SV2C: variants seen among roughly 807,000 people sequenced by gnomAD.
The protein encoded by SV2C is synaptic vesicle glycoprotein 2C, also known as solute carrier family 22 member B3.
A neutral mutation model predicts 79.7 loss-of-function variants in SV2C; 49 were observed. The ratio of observed to expected loss-of-function variants is 0.61; its 90% CI spans 0.49 to 0.78. The LOEUF is 0.78. SV2C is among the 30% of genes least tolerant of loss of function. The probability of loss-of-function intolerance (pLI) is 0.00; values close to 1 mark genes in which losing one functional copy is unlikely to be tolerated. For missense variants in SV2C, 833 were observed against 912.9 expected (o/e 0.91, Z 1.13); for synonymous variants, 334 against 333.2 (o/e 1.00, Z -0.03).
intron 1 of SV2C, among the ~76,000 whole-genome samples, chr5:76,113,449 T>C (rs936089528): frequency 5.9e-5 from 9 of 152,224 alleles, no homozygotes; most frequent in Non-Finnish European, 1.2e-4. Context: ...TCCAGGATTG[T>C]CTTGGCTATG....
At chr5:76,246,781 C>A (rs1430943838) in intron 4 of SV2C, among the ~76,000 whole-genome samples, 2 of 152,188 alleles carry the variant, frequency 1.3e-5, no homozygotes, top group Non-Finnish European at 2.9e-5. Flanking sequence ...AGTGTCCCCA[C>A]CTCTGTCACC....
At chr5:76,221,443 C>T (rs927921798) in intron 4 of SV2C, among the ~76,000 whole-genome samples, 24 of 152,272 alleles carry the variant, frequency 1.6e-4, no homozygotes, top group African/African-American at 5.1e-4. Context: ...CATGGGGAGT[C>T]GCTGTCTTTG....
intron 3 of SV2C, among the ~76,000 whole-genome samples, chr5:76,205,559 A>T (rs1450673160): frequency 1.3e-5 from 2 of 152,162 alleles, no homozygotes; most frequent in African/African-American, 4.8e-5. Context: ...CATTTATGTA[A>T]ATGTTCCATT....
rs1749120837 is a variant in SV2C, at chr5:76,329,824, T to TC, written c.*4278dup. 1 of 152,226 alleles carries TC rather than the reference T, an allele frequency of 6.6e-6. No individual in the cohort carries two copies. The highest frequency in any genetic ancestry group is 2.4e-5 in the African/African-American group (1 of 41,456). The allele number at this position is 152,226 out of a possible 1,614,324, so 9.4% of individuals were successfully genotyped here. A position where few individuals can be genotyped will look rare whatever the true frequency, so the allele number is the denominator to read the frequency against. ...AGCCAGGAATGTCTGAATTTGGCCTTCACCTGGTATCACAGAAAGACAACT... is the reference window on the plus strand; with the variant it reads ...AGCCAGGAATGTCTGAATTTGGCCTTCCACCTGGTATCACAGAAAGACAACT... On this transcript the variant is annotated 3_prime_UTR_variant, in exon 13 of 13. Transcript: ENST00000502798.
chr5:76,010,407 G>A, the SV2C span, among the ~76,000 whole-genome samples: 3 of 152,106 alleles, frequency 2.0e-5, no homozygotes, highest in Admixed American at 1.3e-4. Context: ...TGGTTAATGT[G>A]CGTGTTCAAG....
At chr5:75,853,472 T>C in the SV2C span, among the ~76,000 whole-genome samples, 24 of 145,284 alleles carry the variant, frequency 1.7e-4, 1 homozygote, top group South Asian at 4.8e-3. Context: ...AGGAGAATGG[T>C]GTGAACCTGG....
the SV2C span, among the ~76,000 whole-genome samples, chr5:75,941,128 C>A: frequency 6.6e-6 from 1 of 152,118 alleles, no homozygotes; most frequent in South Asian, 2.1e-4. Context: ...TGCTTTGAAC[C>A]CAGAGAACCT....
chr5:76,124,248 A>G (rs1326481561), intron 1 of SV2C, among the ~76,000 whole-genome samples: 3 of 152,174 alleles, frequency 2.0e-5, no homozygotes, highest in Non-Finnish European at 4.4e-5. Flanking sequence ...CTCCGTATCC[A>G]TCAGATGAAA....
the SV2C span, among the ~76,000 whole-genome samples, chr5:75,908,098 G>A: frequency 6.6e-5 from 10 of 152,258 alleles, no homozygotes; most frequent in Non-Finnish European, 1.2e-4. Context: ...CAATTCAATC[G>A]TTTTTAGTAT....
the SV2C span, among the ~76,000 whole-genome samples, chr5:75,885,638 C>G: frequency 1.3e-5 from 2 of 152,114 alleles, no homozygotes; most frequent in Non-Finnish European, 2.9e-5. Flanking sequence ...CAGCCTGGAA[C>G]TCCTAGGCTC....
chr5:75,885,953 C>T, the SV2C span, among the ~76,000 whole-genome samples: 1 of 152,152 alleles, frequency 6.6e-6, no homozygotes, highest in Non-Finnish European at 1.5e-5. Flanking sequence ...TCAGTACAGT[C>T]AAACAAAAGC....
the SV2C span, among the ~76,000 whole-genome samples, chr5:76,069,073 A>G: frequency 1.3e-5 from 2 of 152,200 alleles, no homozygotes; most frequent in Admixed American, 1.3e-4. Context: ...CAAAGTATCA[A>G]ATGGATGCAT....
At chr5:76,057,710 T>C in the SV2C span, among the ~76,000 whole-genome samples, 1 of 152,086 alleles carries the variant, frequency 6.6e-6, no homozygotes, top group Non-Finnish European at 1.5e-5. Flanking sequence ...GTTTTGTGAG[T>C]ATTATAGATT....
At chr5:76,273,857 C>T (rs1015431127) in intron 4 of SV2C, among the ~76,000 whole-genome samples, 2 of 152,286 alleles carry the variant, frequency 1.3e-5, no homozygotes, top group Admixed American at 1.3e-4. Context: ...ATTGTGATTG[C>T]TTTGTGCATC....
chr5:75,921,270 G>A, the SV2C span: 13 of 1,477,980 alleles, frequency 8.8e-6, no homozygotes, highest in African/African-American at 1.4e-4. Flanking sequence ...AGGTCCTCCA[G>A]GTCCTTGCCA....
At chr5:76,253,726 AT>A (rs1746182338) in intron 4 of SV2C, among the ~76,000 whole-genome samples, 1 of 150,882 alleles carries the variant, frequency 6.6e-6, no homozygotes, top group Non-Finnish European at 1.5e-5. Flanking sequence ...AAAAAAAAAA[AT>A]CTCACCTTTC....
intron 6 of SV2C, among the ~76,000 whole-genome samples, chr5:76,290,606 T>TATCA: frequency 6.6e-6 from 1 of 152,196 alleles, no homozygotes; most frequent in East Asian, 1.9e-4. Context: ...GCTGAACCTC[T>TATCA]ATCATTTATT....
At chr5:76,159,169 C>T (rs1742826129) in intron 2 of SV2C, among the ~76,000 whole-genome samples, 1 of 152,018 alleles carries the variant, frequency 6.6e-6, no homozygotes, top group Non-Finnish European at 1.5e-5. Context: ...TCACAGGTAA[C>T]ATCATACTTG....
At chr5:75,936,768 A>C in the SV2C span, among the ~76,000 whole-genome samples, 3 of 152,236 alleles carry the variant, frequency 2.0e-5, no homozygotes, top group Admixed American at 6.5e-5. Flanking sequence ...TTACTGGTCT[A>C]TTGATTCTCA....
Sources: gnomAD v4.1 joint callset for allele counts (sites outside exome capture counted in the v4.1 genomes callset) on GRCh38, gnomAD v4.1.1 for gene constraint, MANE v1.5 for transcripts, NCBI Gene and HGNC (gene_info 2026-07-23, HGNC 2026-07-21) for gene names.